Variants in FREM1 observed in about 807,000 individuals in gnomAD.
The protein encoded by FREM1 is FRAS1-related extracellular matrix protein 1.
In FREM1, 220 loss-of-function variants were observed where a neutral mutation model predicts 210.1. The ratio of observed to expected loss-of-function variants is 1.05; its 90% CI spans 0.94 to 1.17. The LOEUF (loss-of-function observed/expected upper bound fraction) is 1.17. Ranked by LOEUF, FREM1 falls within the 50% of genes most tolerant of loss-of-function variation. The probability of loss-of-function intolerance (pLI) is 0.00; values close to 1 mark genes in which losing one functional copy is unlikely to be tolerated. For synonymous variants in FREM1, 1,189 were observed against 980.2 expected (o/e 1.21, Z -3.98); for missense variants, 3,454 against 2,675.5 (o/e 1.29, Z -6.42).
intron 1 of FREM1, among the ~76,000 whole-genome samples, chr9:14,876,766 T>G (rs1833834275): frequency 6.6e-6 from 1 of 152,184 alleles, no homozygotes; most frequent in African/African-American, 2.4e-5. Context: ...ACCCGTCTTC[T>G]GCATCGCTCA....
chr9:14,756,642 G>C (rs1165562998), intron 28 of FREM1, among the ~76,000 whole-genome samples, 196 bp from the exon 29 acceptor site: 3 of 152,122 alleles, frequency 2.0e-5, no homozygotes, highest in African/African-American at 7.2e-5. Flanking sequence ...CTTTTTCCTA[G>C]GCTAATATCA....
At chr9:14,871,617 T>C (rs1832696498) in intron 1 of FREM1, among the ~76,000 whole-genome samples, 1 of 152,230 alleles carries the variant, frequency 6.6e-6, no homozygotes, top group African/African-American at 2.4e-5. Context: ...CTGTTCACTC[T>C]GATGGTAGTT....
At position 14,775,880 on chromosome 9, in the gene FREM1, T is replaced by A; in HGVS notation, c.4766A>T (p.Asp1589Val). Reference sequence around the variant, plus strand: ...ATCTGTGGCCATGAAAGTAAAGCAGTCAGTCTGGGAGTCCCCTCCTGAGTG... The same window carrying A: ...ATCTGTGGCCATGAAAGTAAAGCAGACAGTCTGGGAGTCCCCTCCTGAGTG... ...YRHSGGDSQT[D>V]CFTFMATDGT... The change falls in exon 25 of 37, where the codon GAC (aspartate) becomes GTC (valine). Residue 1589 changes from aspartate (D) to valine (V), a missense_variant. By Grantham distance (152) the Asp-to-Val change is radical. Coordinates refer to ENST00000380880, the MANE Select transcript of FREM1 (RefSeq NM_001379081.2). 2 of 1,613,864 alleles carry A rather than the reference T, an allele frequency of 1.2e-6. No individual in the cohort carries two copies. Among genetic ancestry groups the A allele is most frequent in the Non-Finnish European group, 1.7e-6 (2 of 1,179,788 alleles).
chr9:14,747,363 T>G lies in FREM1; in HGVS notation c.5910A>C (p.Lys1970Asn). 3.7e-6 allele frequency: 6 copies of G among 1,613,816 alleles called. No individual in the cohort carries two copies. Among genetic ancestry groups the G allele is most frequent in the Non-Finnish European group, 5.1e-6 (6 of 1,179,770 alleles). ...TTTGTGGCTGACTAATGATGGATACTTTGGCCTTCCTTTTGTGAGTTGGGA... is the reference window on the plus strand; with the variant it reads ...TTTGTGGCTGACTAATGATGGATACGTTGGCCTTCCTTTTGTGAGTTGGGA... ...DSFPTHKRKAKVSIISQPQKT... is the reference protein window; with the variant it reads ...DSFPTHKRKANVSIISQPQKT... The change falls in exon 33 of 37, where the codon AAA becomes AAC. Residue 1970 changes from lysine (K) to asparagine (N), a missense_variant. Lys to Asn is a moderately conservative substitution (Grantham distance 94). Coordinates refer to ENST00000380880, the MANE Select transcript of FREM1 (RefSeq NM_001379081.2).
At chr9:14,760,126 T>C (rs1363344904) in intron 27 of FREM1, among the ~76,000 whole-genome samples, 1 of 152,328 alleles carries the variant, frequency 6.6e-6, no homozygotes, top group South Asian at 2.1e-4. Flanking sequence ...AGGATTAGAA[T>C]TCCATTTCAC....
intron 27 of FREM1, among the ~76,000 whole-genome samples, chr9:14,765,650 A>G (rs1846259264): frequency 6.6e-6 from 1 of 152,162 alleles, no homozygotes; most frequent in Non-Finnish European, 1.5e-5. Flanking sequence ...GTTTCATAAA[A>G]GCTGCTAAAC....
chr9:14,808,747 G>C (rs1012325417), intron 16 of FREM1, among the ~76,000 whole-genome samples: 18 of 152,144 alleles, frequency 1.2e-4, no homozygotes, highest in African/African-American at 4.3e-4. Context: ...TCTTTTCACT[G>C]TTTAGGTCTT....
intron 29 of FREM1, among the ~76,000 whole-genome samples, chr9:14,753,434 G>T (rs1843726213): frequency 6.6e-6 from 1 of 152,182 alleles, no homozygotes; most frequent in Non-Finnish European, 1.5e-5. Flanking sequence ...ATTTTCTTAG[G>T]AGTATTTTTA....
rs1842735031 is a variant in FREM1 at position 14,747,810 on chromosome 9, T to C, written c.5797-82A>G. The C allele has an allele frequency of 1.1e-5, 8 of 759,174 alleles. No homozygotes were observed. In the South Asian group the frequency reaches 1.6e-4, roughly 15 times the overall value. 47.0% of individuals were successfully genotyped at this position (759,174 alleles called of 1,614,324 possible). On this transcript the variant is annotated intron_variant, in intron 31 of 36. Transcript: ENST00000380880. ...TAGGGTAAAACCACCAAGTAAGATC[T>C]TGCTAATGTCTGAACAATTACAAAA...
At chr9:14,862,898 C>A (rs1564112730) in intron 3 of FREM1, among the ~76,000 whole-genome samples, 1 of 151,992 alleles carries the variant, frequency 6.6e-6, no homozygotes, top group Admixed American at 6.6e-5. Flanking sequence ...GGATTTATTC[C>A]ATTTTTTGGC....
Position 14,851,453 on chromosome 9 carries a change from G to C in FREM1, c.983C>G (p.Pro328Arg), listed in dbSNP as rs768673188. ...SVLDCEEDET[P>R]KPLLVFNITK... ...AATGTTGAACACCAGCAAGGGTTTA[G>C]GGGTCTCATCTTCTTCACAGTCCAG... Residue 328 changes from proline to arginine, a missense_variant, in exon 6 of 37, where the codon CCT becomes CGT. By Grantham distance (103) the Pro-to-Arg change is moderately radical (BLOSUM62 -2). Coordinates refer to ENST00000380880, the MANE Select transcript of FREM1 (RefSeq NM_001379081.2). 6 of 1,613,990 alleles carry C rather than the reference G, an allele frequency of 3.7e-6. No homozygotes were observed. In the East Asian group the frequency reaches 1.3e-4, roughly 36 times the overall value.
intron 13 of FREM1, 43 bp from the exon 14 acceptor site, chr9:14,819,485 T>C (rs1274180505): frequency 7.8e-7 from 1 of 1,280,170 alleles, no homozygotes; most frequent in Non-Finnish European, 1.1e-6. Flanking sequence ...CCTTTTTCCA[T>C]GACCCCTGAA....
At chr9:14,775,696 A>C in intron 25 of FREM1, 93 bp downstream of exon 25, 3 of 784,032 alleles carry the variant, frequency 3.8e-6, no homozygotes, top group South Asian at 3.9e-5. Context: ...TGACAGAGAG[A>C]GACTCCCTCT....
rs746694579 is a variant in FREM1, at chr9:14,746,964, A to G, written c.6097T>C (p.Cys2033Arg). The G allele has an allele frequency of 2.5e-6, 4 of 1,613,478 alleles. No individual in the cohort carries two copies. Among genetic ancestry groups the G allele is most frequent in the Non-Finnish European group, 3.4e-6 (4 of 1,179,722 alleles). Residue 2033 changes from cysteine (C) to arginine (R), a missense_variant, in exon 34 of 37, where the codon TGC (cysteine) becomes CGC (arginine). Coordinates refer to ENST00000380880, the MANE Select transcript of FREM1 (RefSeq NM_001379081.2). ...CAGGCTTTCCAGGCGATCCCATTGCACTGATACAGCTTCTGGATGCCTTCT... is the reference window on the plus strand; with the variant it reads ...CAGGCTTTCCAGGCGATCCCATTGCGCTGATACAGCTTCTGGATGCCTTCT... ...FEEGIQKLYQ[C>R]NGIAWKAWSP...
Position 14,759,877 on chromosome 9 carries a change from AAT to A in FREM1, c.5227_5228del (p.Ile1743Ter). 6.2e-7 allele frequency: 1 copy of A among 1,611,700 alleles called. No individual in the cohort carries two copies. The highest frequency in any genetic ancestry group is 1.3e-5 in the African/African-American group (1 of 75,020). ...CTTCATATTCGGTCTGTGACCATTCAATATGAGACCACTTCAGTTCCAAACTG... is the reference window on the plus strand; with the variant it reads ...CTTCATATTCGGTCTGTGACCATTCAATGAGACCACTTCAGTTCCAAACTG... Reference protein sequence around the residue: ...PQILELKWSHIEWSQTEYEVC... With the variant: ...PQILELKWSHXEWSQTEYEVC... On this transcript the variant is annotated frameshift_variant, in exon 28 of 37. Coordinates refer to ENST00000380880, the MANE Select transcript of FREM1 (RefSeq NM_001379081.2). LOFTEE classifies it high-confidence loss of function.
At chr9:14,852,932 G>C (rs1828040633) in intron 5 of FREM1, among the ~76,000 whole-genome samples, 1 of 152,218 alleles carries the variant, frequency 6.6e-6, no homozygotes, top group African/African-American at 2.4e-5. Flanking sequence ...TACAAAGCAA[G>C]TTGTCTGGAA....
At chr9:14,820,426 T>C (rs952062500) in intron 13 of FREM1, among the ~76,000 whole-genome samples, 2 of 152,176 alleles carry the variant, frequency 1.3e-5, no homozygotes, top group Admixed American at 6.5e-5. Context: ...AGGAAGCACC[T>C]ACTCTTCTCA....
At chr9:14,750,369 A>G in intron 29 of FREM1, 93 bp from the exon 30 acceptor site, 1 of 970,498 alleles carries the variant, frequency 1.0e-6, no homozygotes, top group Non-Finnish European at 1.5e-6. Flanking sequence ...CTACAGCTAG[A>G]CTGCAGTAGC....
At chr9:14,757,531 G>A (rs1384535700) in intron 28 of FREM1, among the ~76,000 whole-genome samples, 1 of 152,164 alleles carries the variant, frequency 6.6e-6, no homozygotes, top group Non-Finnish European at 1.5e-5. Flanking sequence ...CTCCAGCCCG[G>A]GTGATAGAGT....
Sources: gnomAD v4.1 joint callset for allele counts (sites outside exome capture counted in the v4.1 genomes callset) on GRCh38, gnomAD v4.1.1 for gene constraint, MANE v1.5 for transcripts, NCBI Gene and HGNC (gene_info 2026-07-23, HGNC 2026-07-21) for gene names.